The following OGFR variants were observed in gnomAD, a reference collection of about 807,000 sequenced individuals.
OGFR encodes the protein protein 7-60.
A neutral mutation model predicts 33.6 loss-of-function variants in OGFR; 18 were observed. The ratio of observed to expected loss-of-function variants is 0.54; its 90% CI spans 0.37 to 0.80. OGFR has a LOEUF of 0.80. OGFR is among the 30% of genes least tolerant of loss of function. OGFR has a pLI of 0.00. For missense variants in OGFR, 877 were observed against 955.8 expected (o/e 0.92, Z 1.09); for synonymous variants, 370 against 400.7 (o/e 0.92, Z 0.91).
In OGFR at chr20:62,812,345, C is replaced by G; in HGVS notation, c.730C>G (p.Arg244Gly). Reference sequence around the variant, plus strand: ...CTTCCTGGAGGAGACGCTGGTGCGGCGGGAGCTGCCGGGGGTGCGGCAGAG... The same window carrying G: ...CTTCCTGGAGGAGACGCTGGTGCGGGGGGAGCTGCCGGGGGTGCGGCAGAG... Reference protein sequence around the residue: ...RFFLEETLVRRELPGVRQSAL... With the variant: ...RFFLEETLVRGELPGVRQSAL... Residue 244 changes from arginine to glycine, a missense_variant, in exon 7 of 7, where the codon CGG (arginine) becomes GGG (glycine). Coordinates refer to ENST00000290291, the MANE Select transcript of OGFR (RefSeq NM_007346.4). 6.4e-7 allele frequency: 1 copy of G among 1,563,320 alleles called. No individual in the cohort carries two copies. The highest frequency in any genetic ancestry group is 8.7e-7 in the Non-Finnish European group (1 of 1,154,398).
Position 62,812,518 on chromosome 20 carries a change from C to T in OGFR, c.903C>T (p.Pro301=). The change falls in exon 7 of 7, where the codon CCC becomes CCT. Residue 301 remains proline, a synonymous_variant. Transcript: ENST00000290291. ...GGAGGTTCAAGCCCAGCTCTCTGCCCCATCCGCTCGAGGGCTCCAGGAAGG... is the reference window on the plus strand; with the variant it reads ...GGAGGTTCAAGCCCAGCTCTCTGCCTCATCCGCTCGAGGGCTCCAGGAAGG... ...KLRRFKPSSL[P]HPLEGSRKVE... is the part of the protein sequence containing the mutation. The T allele has an allele frequency of 6.3e-7, 1 of 1,584,118 alleles. No homozygotes were observed. The highest frequency in any genetic ancestry group is 8.6e-7 in the Non-Finnish European group (1 of 1,165,708).
chr20:62,811,632 C>CCCCCCCCCCCCCCCCCCCCCCACA, intron 6 of OGFR, 22 bp downstream of exon 6: 1 of 1,538,068 alleles, frequency 6.5e-7, no homozygotes. Context: ...CTGCTCCCGC[C>CCCCCCCCCCCCCCCCCCCCCCACA]CACCCCCACC....
chr20:62,809,319 C>A (rs1422356831), intron 3 of OGFR, among the ~76,000 whole-genome samples: 3 of 152,198 alleles, frequency 2.0e-5, no homozygotes, highest in Non-Finnish European at 2.9e-5. Flanking sequence ...CCCAGAGGGA[C>A]CTTCCGGGCT....
Position 62,812,988 on chromosome 20 carries a change from G to A in OGFR, c.1373G>A (p.Arg458Gln), listed in dbSNP as rs759809376. 47 of 1,611,342 alleles carry A rather than the reference G, an allele frequency of 2.9e-5. No individual in the cohort carries two copies. Among genetic ancestry groups the A allele is most frequent in the Non-Finnish European group, 3.6e-5 (42 of 1,179,374 alleles). ...AGGGTGGCCGACAAGGTGAGGAAGCGGAGGAAGGTGGATGAGGGTGCTGGG... is the reference window on the plus strand; with the variant it reads ...AGGGTGGCCGACAAGGTGAGGAAGCAGAGGAAGGTGGATGAGGGTGCTGGG... ...GARVADKVRK[R>Q]RKVDEGAGDS... Residue 458 changes from arginine (R) to glutamine (Q), a missense_variant, in exon 7 of 7, where the codon CGG (arginine) becomes CAG (glutamine). Arg to Gln is a conservative substitution (Grantham distance 43). Coordinates refer to ENST00000290291, the MANE Select transcript of OGFR (RefSeq NM_007346.4).
chr20:62,813,685 T>C lies in OGFR; in HGVS notation c.*36T>C. The C allele has an allele frequency of 6.2e-7, 1 of 1,604,006 alleles. No individual in the cohort carries two copies. Among genetic ancestry groups the C allele is most frequent in the Non-Finnish European group, 8.5e-7 (1 of 1,172,954 alleles). On this transcript the variant is annotated 3_prime_UTR_variant, in exon 7 of 7. Transcript: ENST00000290291. ...GCCCGTCGGCGTCTTGGTCCTCCTGTCCCTGCTGCAGGGGCTGGGGCCTCC... is the reference window on the plus strand; with the variant it reads ...GCCCGTCGGCGTCTTGGTCCTCCTGCCCCTGCTGCAGGGGCTGGGGCCTCC...
chr20:62,812,782 G>A lies in OGFR; in HGVS notation c.1167G>A (p.Leu389=). The change falls in exon 7 of 7, where the codon CTG becomes CTA. Residue 389 remains leucine, a synonymous_variant. Transcript: ENST00000290291. ...PKESKKRKLE[L]SRREQPPTEP... ...AGAGCAAGAAGAGGAAGCTGGAGCT[G>A]AGCCGGCGGGAGCAGCCGCCCACAG... is the stretch of plus-strand genomic sequence containing the variant. 1.2e-6 allele frequency: 2 copies of A among 1,612,458 alleles called. No individual in the cohort carries two copies. Among genetic ancestry groups the A allele is most frequent in the Non-Finnish European group, 1.7e-6 (2 of 1,179,796 alleles).
intron 5 of OGFR, among the ~76,000 whole-genome samples, chr20:62,811,088 G>T (rs1990718264): frequency 6.6e-6 from 1 of 152,246 alleles, no homozygotes; most frequent in Non-Finnish European, 1.5e-5. Flanking sequence ...CAGGCTAGGT[G>T]CCGTGGCTCA....
rs148983382 is a variant in OGFR, at chr20:62,813,940, G to A, written c.*291G>A. 5.6e-6 allele frequency: 3 copies of A among 536,470 alleles called. No homozygotes were observed. The highest frequency in any genetic ancestry group is 3.8e-5 in the African/African-American group (2 of 52,700). The allele number at this position is 536,470 out of a possible 1,614,324, so 33.2% of individuals were successfully genotyped here. On this transcript the variant is annotated 3_prime_UTR_variant, in exon 7 of 7. Transcript: ENST00000290291. The stretch of plus-strand genomic sequence containing the variant: ...TCTGGAGTGGGGGGCGGCGGGCAGG[G>A]CTGCTTTTCTTAGTCTGATACCAAG...
In OGFR at chr20:62,813,768, A is replaced by C. The variant is rs1363573536; in HGVS notation, c.*119A>C. 1.6e-6 allele frequency: 2 copies of C among 1,226,474 alleles called. No individual in the cohort carries two copies. The highest frequency in any genetic ancestry group is 4.0e-5 in the Admixed American group (2 of 50,588). The allele number at this position is 1,226,474 out of a possible 1,614,324, so 76.0% of individuals were successfully genotyped here. On this transcript the variant is annotated 3_prime_UTR_variant, in exon 7 of 7. Coordinates refer to ENST00000290291, the MANE Select transcript of OGFR (RefSeq NM_007346.4). ...TCGTGACCCGTGACCCATGACCCAC[A>C]GTGCTGGCCTCCTGTGGGGCCACTA... is the stretch of plus-strand genomic sequence containing the variant.
In OGFR at chr20:62,813,496, A is replaced by C. The variant is rs1346772256; in HGVS notation, c.1881A>C (p.Ala627=). 3 of 1,284,772 alleles carry C rather than the reference A, an allele frequency of 2.3e-6. No individual in the cohort carries two copies. The African/African-American group carries it at 5.2e-5, about 22-fold the overall frequency. The allele number at this position is 1,284,772 out of a possible 1,614,324, so 79.6% of individuals were successfully genotyped here. The change falls in exon 7 of 7, where the codon GCA becomes GCC. Residue 627 remains alanine (A), a synonymous_variant. Coordinates refer to ENST00000290291, the MANE Select transcript of OGFR (RefSeq NM_007346.4). Reference sequence around the variant, plus strand: ...CGGAGACCCCAGGCCCCCGCCCGGCAGGACCTGCAGGGGACGAGCCAGCCG... The same window carrying C: ...CGGAGACCCCAGGCCCCCGCCCGGCCGGACCTGCAGGGGACGAGCCAGCCG... ...SPSETPGPRP[A]GPAGDEPAES...
At chr20:62,807,731 G>A in intron 2 of OGFR, 126 bp downstream of exon 2, 1 of 946,944 alleles carries the variant, frequency 1.1e-6, no homozygotes, top group Non-Finnish European at 1.6e-6. Flanking sequence ...TTCTGGGCAG[G>A]ACCCTGCCTG....
intron 5 of OGFR, among the ~76,000 whole-genome samples, chr20:62,811,137 G>A (rs1017390774): frequency 6.6e-6 from 1 of 152,192 alleles, no homozygotes; most frequent in African/African-American, 2.4e-5. Flanking sequence ...TGAGGCGGGT[G>A]GATCACCTGA....
intron 6 of OGFR, 107 bp downstream of exon 6, chr20:62,811,717 G>T: frequency 7.6e-7 from 1 of 1,308,976 alleles, no homozygotes; most frequent in South Asian, 1.5e-5. Context: ...CTCCAGGGCT[G>T]TTTGGGCAAT....
chr20:62,812,194 C>G (rs1181245782), intron 6 of OGFR, 36 bp from the exon 7 acceptor site: 1 of 1,451,372 alleles, frequency 6.9e-7, no homozygotes, highest in African/African-American at 1.4e-5. Flanking sequence ...GGAGGGGCCC[C>G]AGCCATTGAC....
At chr20:62,807,701 T>G in intron 2 of OGFR, 96 bp downstream of exon 2, 1 of 1,314,628 alleles carries the variant, frequency 7.6e-7, no homozygotes, top group African/African-American at 1.5e-5. Flanking sequence ...CTGGCCTGGC[T>G]TGCTGTGCCA....
At chr20:62,807,216 T>G in intron 1 of OGFR, 3 of 406,154 alleles carry the variant, frequency 7.4e-6, no homozygotes, top group East Asian at 4.8e-5. Context: ...CCAGGGGAGG[T>G]GCATGTCAGC....
chr20:62,809,168 G>A (rs1990667635), intron 3 of OGFR, among the ~76,000 whole-genome samples: 1 of 152,206 alleles, frequency 6.6e-6, no homozygotes, highest in Non-Finnish European at 1.5e-5. Context: ...TCAGGAGACT[G>A]TGCCTGCCAC....
At position 62,813,967 on chromosome 20, in the gene OGFR, A is replaced by G; in HGVS notation, c.*318A>G. The G allele has an allele frequency of 2.2e-6, 1 of 457,614 alleles. No individual in the cohort carries two copies. Among genetic ancestry groups the G allele is most frequent in the Non-Finnish European group, 3.9e-6 (1 of 255,724 alleles). The allele number at this position is 457,614 out of a possible 1,614,324, so 28.3% of individuals were successfully genotyped here. A position where few individuals can be genotyped will look rare whatever the true frequency, so the allele number is the denominator to read the frequency against. On this transcript the variant is annotated 3_prime_UTR_variant, in exon 7 of 7. Coordinates refer to ENST00000290291, the MANE Select transcript of OGFR (RefSeq NM_007346.4). ...TGCTTTTCTTAGTCTGATACCAAGC[A>G]AGGCCTTTTCTGAATAAATTCATTT...
Position 62,812,479 on chromosome 20 carries a change from C to A in OGFR, c.864C>A (p.Pro288=), listed in dbSNP as rs763377010. 13 of 1,579,152 alleles carry A rather than the reference C, an allele frequency of 8.2e-6. No individual in the cohort carries two copies. In the Admixed American group the frequency reaches 2.4e-4, roughly 29 times the overall value. The change falls in exon 7 of 7, where the codon CCC becomes CCA. Residue 288 remains proline, a synonymous_variant. Coordinates refer to ENST00000290291, the MANE Select transcript of OGFR (RefSeq NM_007346.4). The part of the protein sequence containing the change: ...FRPRCKFVWG[P]QDKLRRFKPS... Reference sequence around the variant, plus strand: ...CCCGCTGCAAGTTCGTCTGGGGGCCCCAAGACAAGCTGCGGAGGTTCAAGC... The same window carrying A: ...CCCGCTGCAAGTTCGTCTGGGGGCCACAAGACAAGCTGCGGAGGTTCAAGC...
Sources: gnomAD v4.1 joint callset for allele counts (sites outside exome capture counted in the v4.1 genomes callset) on GRCh38, gnomAD v4.1.1 for gene constraint, MANE v1.5 for transcripts, NCBI Gene and HGNC (gene_info 2026-07-23, HGNC 2026-07-21) for gene names.